The following STARD9 variants were observed in gnomAD, a reference collection of about 807,000 sequenced individuals.
The protein encoded by STARD9 is StAR related lipid transfer domain containing 9.
A neutral mutation model predicts 399.8 loss-of-function variants in STARD9; 346 were observed. The observed-to-expected ratio is 0.87, with a 90% confidence interval of 0.79 to 0.95. The LOEUF (loss-of-function observed/expected upper bound fraction) is 0.95. Ranked by LOEUF, STARD9 falls within the 40% of genes least tolerant of loss-of-function variation. STARD9 has a pLI of 0.00. For missense variants in STARD9, 5,832 were observed against 5,667.5 expected (o/e 1.03, Z -0.93); for synonymous variants, 2,203 against 2,143.5 (o/e 1.03, Z -0.77).
Position 42,681,427 on chromosome 15 carries a change from C to T in STARD9, c.1880C>T (p.Ala627Val), listed in dbSNP as rs548026902. 45 of 1,535,098 alleles carry T rather than the reference C, an allele frequency of 2.9e-5. No individual in the cohort carries two copies. Among genetic ancestry groups the T allele is most frequent in the South Asian group, 2.5e-4 (21 of 83,578 alleles). ...CTCAGCCGCTTCTGTGACAGGAGAGCGCTTGAAGAGCAATGTGACGAGGAC... is the reference window on the plus strand; with the variant it reads ...CTCAGCCGCTTCTGTGACAGGAGAGTGCTTGAAGAGCAATGTGACGAGGAC... ...LSPLLWKERR[A>V]LEEQCDEDHQ... Residue 627 changes from alanine to valine, a missense_variant, in exon 21 of 33, where the codon GCG becomes GTG. Physicochemically the swap from Ala to Val is moderately conservative, Grantham distance 64. Coordinates refer to ENST00000290607, the MANE Select transcript of STARD9 (RefSeq NM_020759.3).
At chr15:42,628,667 C>A (rs970630942) in intron 3 of STARD9, among the ~76,000 whole-genome samples, 1 of 152,128 alleles carries the variant, frequency 6.6e-6, no homozygotes, top group Non-Finnish European at 1.5e-5. Flanking sequence ...GTTTTCCCAG[C>A]ACCATTTGTT....
intron 3 of STARD9, among the ~76,000 whole-genome samples, chr15:42,597,832 C>T (rs766038281): frequency 6.6e-5 from 10 of 151,784 alleles, no homozygotes; most frequent in Admixed American, 3.3e-4. Flanking sequence ...CCACAGTGCC[C>T]GGCCAATTTT....
At position 42,675,677 on chromosome 15, in the gene STARD9, C is replaced by A; in HGVS notation, c.1701C>A (p.Thr567=). ...TCTGTGCTGCAGGAGCTGTCATAAC[C>A]CTGGGGAAGGCACAGAAGTTCCGAT... is the stretch of plus-strand genomic sequence containing the variant. ...SCRLTQGAVI[T]LGKAQKFRFN... is the part of the protein sequence containing the mutation. The change falls in exon 19 of 33, where the codon ACC becomes ACA. Residue 567 remains threonine (T), a synonymous_variant. Transcript: ENST00000290607. The A allele has an allele frequency of 6.5e-7, 1 of 1,536,930 alleles. No homozygotes were observed. Among genetic ancestry groups the A allele is most frequent in the Admixed American group, 2.0e-5 (1 of 50,986 alleles).
chr15:42,664,814 AC>A (rs2060059327), intron 13 of STARD9, among the ~76,000 whole-genome samples: 1 of 151,982 alleles, frequency 6.6e-6, no homozygotes, highest in African/African-American at 2.4e-5. Flanking sequence ...ACACACACAC[AC>A]ACACACACAC....
intron 22 of STARD9, 74 bp from the exon 23 acceptor site, chr15:42,684,042 G>C: frequency 1.4e-6 from 2 of 1,449,072 alleles, no homozygotes; most frequent in Middle Eastern, 1.8e-4. Flanking sequence ...CACTGGCCTT[G>C]TTTTTAACCT....
At chr15:42,579,507 T>C (rs1160432205) in intron 1 of STARD9, among the ~76,000 whole-genome samples, 1 of 152,100 alleles carries the variant, frequency 6.6e-6, no homozygotes, top group Non-Finnish European at 1.5e-5. Context: ...TATTCTCAGA[T>C]ACTAACACTT....
chr15:42,686,530 A>C lies in STARD9; in HGVS notation c.4952A>C (p.Gln1651Pro). The change falls in exon 23 of 33, where the codon CAG becomes CCG. Residue 1651 changes from glutamine (Q) to proline (P), a missense_variant. By Grantham distance (76) the Gln-to-Pro change is moderately conservative (BLOSUM62 -1). Around this residue, in one of 2 missense-constraint regions of STARD9, gnomAD observed 5,828 missense variants for 5,651.1 expected, o/e 1.03. Coordinates refer to ENST00000290607, the MANE Select transcript of STARD9 (RefSeq NM_020759.3). ...LMTSSDEDFF[Q>P]KNACHSNVTT... ...ACTTCCTCTGATGAGGATTTTTTCC[A>C]GAAGAACGCTTGTCACAGTAATGTC... 1 of 1,537,676 alleles carries C rather than the reference A, an allele frequency of 6.5e-7. No homozygotes were observed. Among genetic ancestry groups the C allele is most frequent in the Non-Finnish European group, 8.7e-7 (1 of 1,147,034 alleles).
At chr15:42,580,680 C>T (rs1400200206) in intron 1 of STARD9, among the ~76,000 whole-genome samples, 1 of 152,056 alleles carries the variant, frequency 6.6e-6, no homozygotes, top group Non-Finnish European at 1.5e-5. Context: ...GGCGTGGTGG[C>T]GGCCACCTGT....
intron 26 of STARD9, among the ~76,000 whole-genome samples, chr15:42,703,572 A>G (rs1490683040): frequency 6.9e-6 from 1 of 145,580 alleles, no homozygotes; most frequent in Non-Finnish European, 1.5e-5. Flanking sequence ...ACAGGGTTTC[A>G]CCATGTTGGT....
Position 42,686,950 on chromosome 15 carries a change from G to T in STARD9, c.5372G>T (p.Gly1791Val), listed in dbSNP as rs2060574605. 1 of 1,536,514 alleles carries T rather than the reference G, an allele frequency of 6.5e-7. No individual in the cohort carries two copies. The highest frequency in any genetic ancestry group is 8.7e-7 in the Non-Finnish European group (1 of 1,146,766). The part of the protein sequence containing the change: ...GFGHNHQALQ[G>V]AYLKNNLPVL... Reference sequence around the variant, plus strand: ...GGTCACAACCACCAAGCTCTCCAAGGTGCTTATTTGAAGAATAATTTGCCA... The same window carrying T: ...GGTCACAACCACCAAGCTCTCCAAGTTGCTTATTTGAAGAATAATTTGCCA... The change falls in exon 23 of 33, where the codon GGT becomes GTT. Residue 1791 changes from glycine (G) to valine (V), a missense_variant. Around this residue, in one of 2 missense-constraint regions of STARD9, gnomAD observed 5,828 missense variants for 5,651.1 expected, o/e 1.03. Coordinates refer to ENST00000290607, the MANE Select transcript of STARD9 (RefSeq NM_020759.3).
At chr15:42,696,184 T>G (rs564319628) in intron 26 of STARD9, among the ~76,000 whole-genome samples, 3 of 152,386 alleles carry the variant, frequency 2.0e-5, no homozygotes, top group African/African-American at 7.2e-5. Context: ...TTTTATTGTT[T>G]AGTTATTGTT....
At chr15:42,629,130 C>T (rs2059281575) in intron 3 of STARD9, among the ~76,000 whole-genome samples, 1 of 152,090 alleles carries the variant, frequency 6.6e-6, no homozygotes, top group Admixed American at 6.6e-5. Context: ...AGCAATCCTC[C>T]CACCTCAGCC....
rs2058169036 is a variant in STARD9 at position 42,581,493 on chromosome 15, G to C, written c.48-1853G>C. Reference sequence around the variant, plus strand: ...GCTGCCAGCGGAGGAGGACATGGCTGTGGACGCGGGCTCTGGGCTTTGTGT... The same window carrying C: ...GCTGCCAGCGGAGGAGGACATGGCTCTGGACGCGGGCTCTGGGCTTTGTGT... On this transcript the variant is annotated intron_variant, in intron 1 of 32. Coordinates refer to ENST00000290607, the MANE Select transcript of STARD9 (RefSeq NM_020759.3). 3 of 1,492,086 alleles carry C rather than the reference G, an allele frequency of 2.0e-6. No individual in the cohort carries two copies. In the South Asian group the frequency reaches 3.6e-5, roughly 18 times the overall value. 92.4% of individuals were successfully genotyped at this position (1,492,086 alleles called of 1,614,324 possible). A position where few individuals can be genotyped will look rare whatever the true frequency, so the allele number is the denominator to read the frequency against.
chr15:42,602,004 G>T (rs572559360), intron 3 of STARD9, among the ~76,000 whole-genome samples: 1 of 152,138 alleles, frequency 6.6e-6, no homozygotes. Context: ...GTGTCACCAC[G>T]CCCGGCTCGT....
intron 2 of STARD9, 81 bp from the exon 3 acceptor site, chr15:42,585,440 A>C: frequency 1.2e-6 from 1 of 827,232 alleles, no homozygotes; most frequent in Non-Finnish European, 2.0e-6. Context: ...CTCTCTAGCT[A>C]TGGTAGAGGG....
At chr15:42,636,568 G>A (rs1283660674) in intron 4 of STARD9, among the ~76,000 whole-genome samples, 4 of 150,946 alleles carry the variant, frequency 2.6e-5, no homozygotes, top group African/African-American at 4.9e-5. Context: ...GAAATGGGAC[G>A]AGACTTTGTC....
chr15:42,602,685 C>T, intron 3 of STARD9, among the ~76,000 whole-genome samples: 1 of 152,330 alleles, frequency 6.6e-6, no homozygotes, highest in Admixed American at 6.5e-5. Context: ...TTGCAAAAGT[C>T]ACACTGCTGT....
intron 7 of STARD9, 73 bp downstream of exon 7, chr15:42,638,885 A>C: frequency 1.2e-6 from 1 of 825,426 alleles, no homozygotes; most frequent in Non-Finnish European, 1.9e-6. Flanking sequence ...TCCCTAATTC[A>C]TTGAACATAG....
At chr15:42,659,187 A>G (rs938762119) in intron 9 of STARD9, among the ~76,000 whole-genome samples, 10 of 152,172 alleles carry the variant, frequency 6.6e-5, no homozygotes, top group Non-Finnish European at 1.2e-4. Context: ...CTAAACATAC[A>G]TCTGATGGAG....
Sources: allele counts gnomAD v4.1 joint callset (sites outside exome capture counted in the v4.1 genomes callset), GRCh38; gene constraint gnomAD v4.1.1; regional missense constraint gnomAD v4.1.1; transcripts MANE v1.5; gene names NCBI Gene and HGNC (gene_info 2026-07-23, HGNC 2026-07-21).